The following PREX1 variants were observed in gnomAD, a reference collection of about 807,000 sequenced individuals.
The protein encoded by PREX1 is phosphatidylinositol 3,4,5-trisphosphate-dependent Rac exchanger 1 protein.
Under a neutral mutation model 198.3 loss-of-function variants are expected in PREX1, and 41 were observed. That is an observed-to-expected ratio of 0.21 (90% CI 0.16 to 0.27). The LOEUF (loss-of-function observed/expected upper bound fraction) is 0.27. Among genes scored for constraint, PREX1 ranks in the 10% least tolerant of loss-of-function variants. PREX1 has a pLI of 1.00. For missense variants in PREX1, 1,620 were observed against 2,200.7 expected, an observed-to-expected ratio of 0.74 and a Z score of 5.28; for synonymous variants, 843 against 887.2, an observed-to-expected ratio of 0.95 and a Z score of 0.89.
At chr20:48,752,810 TC>T (rs954481149) in intron 1 of PREX1, among the ~76,000 whole-genome samples, 15 of 152,248 alleles carry the variant, frequency 9.9e-5, no homozygotes, top group African/African-American at 3.6e-4. Flanking sequence ...CTTTGGGGAA[TC>T]CACAATAAGA....
rs543783317 is a variant in PREX1, at chr20:48,722,664, G to A, written c.621+3626C>T. Among the ~76,000 whole-genome samples the A allele has an allele frequency of 8.4e-4, 128 of 152,300 alleles. 1 individual carries two copies. Among genetic ancestry groups the A allele is most frequent in the African/African-American group, 2.8e-3 (115 of 41,570 alleles). On this transcript the variant is annotated intron_variant, in intron 5 of 39. Transcript: ENST00000371941. ...GCCCAGGGCCCATCTCTCCTCAGAG[G>A]CCCCGGAGATGAGGAAGCAGCAAAG... is the stretch of plus-strand genomic sequence containing the variant.
chr20:48,747,349 G>A (rs897356673), intron 2 of PREX1, among the ~76,000 whole-genome samples: 4 of 152,224 alleles, frequency 2.6e-5, no homozygotes, highest in African/African-American at 4.8e-5. Flanking sequence ...CCAGAGCCAT[G>A]GCCAAGGCCA....
chr20:48,661,444 A>AATATATATATATAT (rs1159107194), intron 15 of PREX1, among the ~76,000 whole-genome samples: 49 of 49,572 alleles, frequency 9.9e-4, no homozygotes, highest in African/African-American at 1.7e-3. Context: ...AAAAAAAAAA[A>AATATATATATATAT]ATATATATAT....
At chr20:48,764,910 T>G (rs575855832) in intron 1 of PREX1, among the ~76,000 whole-genome samples, 116 of 151,818 alleles carry the variant, frequency 7.6e-4, no homozygotes, top group African/African-American at 2.4e-3. Context: ...AGCCAAGGAA[T>G]GCAGGGGCCT....
chr20:48,837,191 G>A, the PREX1 span, among the ~76,000 whole-genome samples: 10 of 152,272 alleles, frequency 6.6e-5, no homozygotes, highest in African/African-American at 2.4e-4. Flanking sequence ...CTGAGGTTGC[G>A]AAGAAAAGGG....
In PREX1 at chr20:48,734,624, C is replaced by T; in HGVS notation, c.441G>A (p.Glu147=). Residue 147 remains glutamate (E), a synonymous_variant, in exon 4 of 40, where the codon GAG becomes GAA. Transcript: ENST00000371941. ...KFKDKFCVYE[E]YCSNHEKALR... ...GGGCTTTCTCATGGTTGCTGCAATA[C>T]TCCTCGTACACGCAGAACTTGTCCT... 1 of 1,614,120 alleles carries T rather than the reference C, an allele frequency of 6.2e-7. No individual in the cohort carries two copies. Among genetic ancestry groups the T allele is most frequent in the Middle Eastern group, 1.6e-4 (1 of 6,062 alleles).
chr20:48,854,144 G>A, the PREX1 span, among the ~76,000 whole-genome samples: 10 of 152,336 alleles, frequency 6.6e-5, no homozygotes, highest in Middle Eastern at 6.8e-3. Flanking sequence ...CCGAGGGACA[G>A]GCACATGACT....
At chr20:48,854,104 G>A in the PREX1 span, among the ~76,000 whole-genome samples, 1 of 152,200 alleles carries the variant, frequency 6.6e-6, no homozygotes, top group Non-Finnish European at 1.5e-5. Flanking sequence ...TCACCATCGG[G>A]TCCAGCTGCT....
chr20:48,766,168 T>C (rs1184737257), intron 1 of PREX1, among the ~76,000 whole-genome samples: 1 of 152,142 alleles, frequency 6.6e-6, no homozygotes, highest in Non-Finnish European at 1.5e-5. Context: ...AATGTAATAA[T>C]AATAGAAACA....
chr20:48,709,133 G>A (rs1007312478), intron 5 of PREX1, among the ~76,000 whole-genome samples: 38 of 152,158 alleles, frequency 2.5e-4, no homozygotes, highest in Non-Finnish European at 4.6e-4. Flanking sequence ...TGATGGGAGA[G>A]GAACTGAGGA....
At chr20:48,663,325 T>A (rs748239046) in intron 15 of PREX1, among the ~76,000 whole-genome samples, 1 of 152,210 alleles carries the variant, frequency 6.6e-6, no homozygotes, top group African/African-American at 2.4e-5. Context: ...TGGCTCACTC[T>A]GCCAAGGGAA....
intron 4 of PREX1, among the ~76,000 whole-genome samples, chr20:48,731,741 C>T (rs897830153): frequency 2.0e-5 from 3 of 152,254 alleles, no homozygotes; most frequent in Non-Finnish European, 4.4e-5. Context: ...AGGAGGGAGA[C>T]AGATGGCACA....
intron 1 of PREX1, among the ~76,000 whole-genome samples, chr20:48,805,648 T>C (rs1216372576): frequency 2.0e-5 from 3 of 152,178 alleles, no homozygotes; most frequent in African/African-American, 7.2e-5. Flanking sequence ...GGCTCCCTTC[T>C]TCCTGGACTT....
chr20:48,781,811 C>T (rs565999096), intron 1 of PREX1, among the ~76,000 whole-genome samples: 2 of 152,196 alleles, frequency 1.3e-5, no homozygotes, highest in East Asian at 1.9e-4. Flanking sequence ...GAATTTGCTA[C>T]GAATTTGCAT....
the PREX1 span, among the ~76,000 whole-genome samples, chr20:48,836,339 T>A: frequency 6.6e-6 from 1 of 152,112 alleles, no homozygotes; most frequent in East Asian, 1.9e-4. Context: ...GGTATGTGGA[T>A]GGAGACCAGG....
Position 48,759,350 on chromosome 20 carries a change from G to A in PREX1, c.220-11470C>T, listed in dbSNP as rs1316923152. Among the ~76,000 whole-genome samples the A allele has an allele frequency of 3.9e-5, 6 of 151,920 alleles. No homozygotes were observed. In the South Asian group the frequency reaches 6.2e-4, roughly 16 times the overall value. On this transcript the variant is annotated intron_variant, in intron 1 of 39. Coordinates refer to ENST00000371941, the MANE Select transcript of PREX1 (RefSeq NM_020820.4). ...GGATCACCTGAGGTCAGGAGTTCGCGACCAGCCTGACCAACATAGTGAAAC... is the reference window on the plus strand; with the variant it reads ...GGATCACCTGAGGTCAGGAGTTCGCAACCAGCCTGACCAACATAGTGAAAC...
intron 3 of PREX1, among the ~76,000 whole-genome samples, chr20:48,735,618 G>A (rs574592794): frequency 6.6e-6 from 1 of 150,746 alleles, no homozygotes; most frequent in Non-Finnish European, 1.5e-5. Context: ...TGCCCAGCAT[G>A]TAGTACAGGC....
rs1239362437 is a variant in PREX1 at position 48,827,865 on chromosome 20, G to A, written c.-5C>T. ...GCTGCCGCTGGGCGCCTCCATTCTA[G>A]CGCGGCCGCGCGGCGCCGGCTCCTT... On this transcript the variant is annotated 5_prime_UTR_variant, in exon 1 of 40. Transcript: ENST00000371941. The surrounding 1 kb of genome is among the most constrained non-coding windows in gnomAD (Gnocchi z 4.1). 2.0e-5 allele frequency: 20 copies of A among 979,834 alleles called. No homozygotes were observed. Among genetic ancestry groups the A allele is most frequent in the Admixed American group, 1.9e-4 (3 of 15,860 alleles). The allele number at this position is 979,834 out of a possible 1,614,324, so 60.7% of individuals were successfully genotyped here.
the PREX1 span, among the ~76,000 whole-genome samples, chr20:48,885,954 A>C: frequency 1.2e-4 from 18 of 152,212 alleles, no homozygotes; most frequent in African/African-American, 4.1e-4. Flanking sequence ...TAAGGCAGTG[A>C]AATTGTTCTG....
Sources: allele counts gnomAD v4.1 joint callset (sites outside exome capture counted in the v4.1 genomes callset), GRCh38; gene constraint gnomAD v4.1.1; non-coding constraint Gnocchi (gnomAD v3.1); transcripts MANE v1.5; gene names NCBI Gene and HGNC (gene_info 2026-07-23, HGNC 2026-07-21).